The following WDR89 variants were observed in gnomAD, a reference collection of about 807,000 sequenced individuals.
The protein encoded by WDR89 is WD repeat-containing protein 89.
WDR89 carries 17 observed loss-of-function variants against 29.1 expected under a neutral mutation model. The observed-to-expected ratio is 0.58, with a 90% CI of 0.40 to 0.88. The LOEUF is 0.88. Among genes scored for constraint, WDR89 ranks in the 40% least tolerant of loss-of-function variants. WDR89 has a pLI of 0.00. For missense variants in WDR89, 396 were observed against 456.3 expected, an observed-to-expected ratio of 0.87 and a Z score of 1.20; for synonymous variants, 138 against 157.8, an observed-to-expected ratio of 0.87 and a Z score of 0.94.
At position 63,614,256 on chromosome 14, in the gene WDR89, C is replaced by T. The variant is rs375101330; in HGVS notation, c.-32+10672G>A. On this transcript the variant is annotated intron_variant, in intron 2 of 2. Transcript: ENST00000620954. ...TACTGGCAGCCACAAAAGCTTTATACGAGACATTCAAGTAGCTTAATATTT... is the reference window on the plus strand; with the variant it reads ...TACTGGCAGCCACAAAAGCTTTATATGAGACATTCAAGTAGCTTAATATTT... 2.4e-4 allele frequency among the ~76,000 whole-genome samples: 36 copies of T among 151,754 alleles called. 1 individual carries two copies. The highest frequency in any genetic ancestry group is 1.8e-3 in the Admixed American group (27 of 15,226).
At chr14:63,624,079 T>C (rs1882884562) in intron 2 of WDR89, among the ~76,000 whole-genome samples, 1 of 152,182 alleles carries the variant, frequency 6.6e-6, no homozygotes. Context: ...GACCTTTGGT[T>C]AGGCAAAGAT....
chr14:63,641,558 C>T (rs1449041538), intron 1 of WDR89, among the ~76,000 whole-genome samples: 1 of 152,232 alleles, frequency 6.6e-6, no homozygotes, highest in Admixed American at 6.5e-5. Flanking sequence ...GGAACTGCAC[C>T]GGCAACAGCA....
chr14:63,606,164 T>C (rs1236468779), intron 2 of WDR89, among the ~76,000 whole-genome samples: 1 of 152,114 alleles, frequency 6.6e-6, no homozygotes, highest in Non-Finnish European at 1.5e-5. Context: ...ACCAAGCTGG[T>C]CTCAAACTTC....
chr14:63,606,056 C>A (rs1345449033), intron 2 of WDR89, among the ~76,000 whole-genome samples: 1 of 151,710 alleles, frequency 6.6e-6, no homozygotes, highest in African/African-American at 2.4e-5. Flanking sequence ...AGCAAAGTAG[C>A]GCCATCATGG....
At chr14:63,605,317 G>A (rs1895272293) in intron 2 of WDR89, among the ~76,000 whole-genome samples, 1 of 151,808 alleles carries the variant, frequency 6.6e-6, no homozygotes, top group African/African-American at 2.4e-5. Flanking sequence ...ATGTGTCTGT[G>A]GTGATGCGTG....
At chr14:63,618,217 C>T (rs765424429) in intron 2 of WDR89, 2 of 152,202 alleles carry the variant, frequency 1.3e-5, no homozygotes, top group Admixed American at 6.6e-5. Context: ...TACAATGGCA[C>T]AATCTTGCCT....
At chr14:63,606,491 A>C (rs1895329914) in intron 2 of WDR89, among the ~76,000 whole-genome samples, 2 of 152,134 alleles carry the variant, frequency 1.3e-5, no homozygotes, top group African/African-American at 4.8e-5. Flanking sequence ...ATACCTTTTT[A>C]TGTTTAGATC....
chr14:63,599,290 G>A lies in WDR89; in HGVS notation c.653C>T (p.Ser218Leu). The change falls in exon 3 of 3, where the codon TCA becomes TTA. Residue 218 changes from serine to leucine, a missense_variant. Coordinates refer to ENST00000620954, the MANE Select transcript of WDR89 (RefSeq NM_080666.4). The stretch of plus-strand genomic sequence containing the variant: ...CCCAGACCAACCAATACAGCTTACT[G>A]ATGAAATTGAGTTACAGGTTGTAAC... ...ALVTTCNSIS[S>L]VSCIGWSGKG... 1.2e-6 allele frequency: 2 copies of A among 1,613,812 alleles called. No individual in the cohort carries two copies. The highest frequency in any genetic ancestry group is 1.7e-6 in the Non-Finnish European group (2 of 1,179,874).
chr14:63,639,759 G>GT (rs1333436733), intron 1 of WDR89, among the ~76,000 whole-genome samples: 2 of 152,208 alleles, frequency 1.3e-5, no homozygotes, highest in African/African-American at 4.8e-5. Flanking sequence ...ATCTTCAGTC[G>GT]TATTTGCAGC....
chr14:63,626,886 G>C (rs891336948), intron 1 of WDR89, among the ~76,000 whole-genome samples: 9 of 151,820 alleles, frequency 5.9e-5, no homozygotes, highest in African/African-American at 2.2e-4. Context: ...GGGAGGCCAA[G>C]GCAGGAGGAT....
intron 2 of WDR89, among the ~76,000 whole-genome samples, chr14:63,618,535 C>T (rs1199455830): frequency 6.6e-6 from 1 of 151,866 alleles, no homozygotes; most frequent in African/African-American, 2.4e-5. Flanking sequence ...AGCAGAAATA[C>T]AAAATACACA....
chr14:63,627,148 ACACTCTCTCTCTCT>A lies in WDR89; in HGVS notation c.-137-2129_-137-2116del, dbSNP rs1223141339. Among the ~76,000 whole-genome samples, 769 of 128,390 alleles carry A rather than the reference ACACTCTCTCTCTCT, an allele frequency of 6.0e-3. 6 individuals are homozygous for A. The highest frequency in any genetic ancestry group is 0.022 in the African/African-American group (723 of 32,890). The allele number at this position is 128,390 out of a possible 152,430, so 84.2% of individuals were successfully genotyped here. ...AACACACACACACACACACACACAC[ACACTCTCTCTCTCT>A]CTCTCTCTCTCTCTCTCTCTCCTCT... is the stretch of plus-strand genomic sequence containing the variant. On this transcript the variant is annotated intron_variant, in intron 1 of 2. Coordinates refer to ENST00000620954, the MANE Select transcript of WDR89 (RefSeq NM_080666.4).
At position 63,598,771 on chromosome 14, in the gene WDR89, A is replaced by G. The variant is rs1894901958; in HGVS notation, c.*8T>C. On this transcript the variant is annotated 3_prime_UTR_variant, in exon 3 of 3. Coordinates refer to ENST00000620954, the MANE Select transcript of WDR89 (RefSeq NM_080666.4). Reference sequence around the variant, plus strand: ...TAAAACCTACCAAACAAAGTGCCAAATGCATTATCACTGCTTTTTCCTTCT... The same window carrying G: ...TAAAACCTACCAAACAAAGTGCCAAGTGCATTATCACTGCTTTTTCCTTCT... 1 of 1,563,668 alleles carries G rather than the reference A, an allele frequency of 6.4e-7. No homozygotes were observed. Among genetic ancestry groups the G allele is most frequent in the African/African-American group, 1.4e-5 (1 of 73,218 alleles).
At chr14:63,612,037 T>A (rs1481472091) in intron 2 of WDR89, among the ~76,000 whole-genome samples, 2 of 152,014 alleles carry the variant, frequency 1.3e-5, no homozygotes, top group East Asian at 1.9e-4. Flanking sequence ...CAACAAAAAA[T>A]TTTTAACATA....
At position 63,598,827 on chromosome 14, in the gene WDR89, T is replaced by C. The variant is rs145630637; in HGVS notation, c.1116A>G (p.Arg372=). The C allele has an allele frequency of 4.2e-5, 67 of 1,610,666 alleles. No homozygotes were observed. In the African/African-American group the frequency reaches 7.5e-4, roughly 18 times the overall value. ...SMKIASSVHQ[R]VRVHSNDSYK... ...AAGAATCATTACTATGAACTCGTAC[T>C]CGTTGGTGCACAGAGGATGCTATTT... is the stretch of plus-strand genomic sequence containing the variant. The change falls in exon 3 of 3, where the codon CGA becomes CGG. Residue 372 remains arginine, a synonymous_variant. Transcript: ENST00000620954.
At chr14:63,622,017 T>A (rs887397682) in intron 2 of WDR89, 1 of 152,204 alleles carries the variant, frequency 6.6e-6, no homozygotes, top group East Asian at 1.9e-4. Flanking sequence ...TAAAGAGCAC[T>A]GGGAATGGTA....
intron 2 of WDR89, among the ~76,000 whole-genome samples, chr14:63,615,862 T>G (rs908420791): frequency 5.3e-5 from 8 of 151,430 alleles, no homozygotes. Context: ...AGGCAGAGGT[T>G]GCAGTGAGCT....
intron 1 of WDR89, among the ~76,000 whole-genome samples, chr14:63,631,691 G>A (rs959006244): frequency 6.6e-6 from 1 of 152,102 alleles, no homozygotes; most frequent in Non-Finnish European, 1.5e-5. Context: ...CCTGGCCAGA[G>A]AAATATTCAG....
At chr14:63,619,631 CA>C (rs1336749660) in intron 2 of WDR89, among the ~76,000 whole-genome samples, 1 of 151,992 alleles carries the variant, frequency 6.6e-6, no homozygotes, top group African/African-American at 2.4e-5. Flanking sequence ...CCCCTCAAAA[CA>C]GAAGACAACA....
Sources: gnomAD v4.1 joint callset for allele counts (sites outside exome capture counted in the v4.1 genomes callset) on GRCh38, gnomAD v4.1.1 for gene constraint, MANE v1.5 for transcripts, NCBI Gene and HGNC (gene_info 2026-07-23, HGNC 2026-07-21) for gene names.